Variants in ESR2 observed in about 807,000 individuals in gnomAD.
ESR2 encodes the protein estrogen receptor beta.
Under a neutral mutation model 49.6 loss-of-function variants are expected in ESR2, and 36 were observed. That is an observed-to-expected ratio of 0.73 (90% CI 0.56 to 0.96). The LOEUF (loss-of-function observed/expected upper bound fraction) is 0.96, where lower values mean the gene tolerates loss of function less well. Among genes scored for constraint, ESR2 ranks in the 40% least tolerant of loss-of-function variants. ESR2 has a pLI of 0.00. For missense variants in ESR2, 714 were observed against 693.0 expected, an observed-to-expected ratio of 1.03 and a Z score of -0.34; for synonymous variants, 320 against 266.1, an observed-to-expected ratio of 1.20 and a Z score of -1.97.
chr14:64,314,535 G>A (rs980224519), intron 1 of ESR2, among the ~76,000 whole-genome samples: 1 of 151,004 alleles, frequency 6.6e-6, no homozygotes, highest in African/African-American at 2.4e-5. Context: ...ATGTAAAACA[G>A]GAAAAAAATA....
chr14:64,232,721 T>C lies in ESR2; in HGVS notation c.*416A>G, dbSNP rs1477514319. On this transcript the variant is annotated 3_prime_UTR_variant, in exon 9 of 9. Transcript: ENST00000341099. Reference sequence around the variant, plus strand: ...GGTCAACTCTCAGAGGGAAGGGTAGTGTGTGCCACACAAGAAGGGTTAGCC... The same window carrying C: ...GGTCAACTCTCAGAGGGAAGGGTAGCGTGTGCCACACAAGAAGGGTTAGCC... 6.0e-6 allele frequency: 1 copy of C among 166,092 alleles called. No homozygotes were observed. The highest frequency in any genetic ancestry group is 2.4e-5 in the African/African-American group (1 of 41,998). The allele number at this position is 166,092 out of a possible 1,614,324, so 10.3% of individuals were successfully genotyped here. A position where few individuals can be genotyped will look rare whatever the true frequency, so the allele number is the denominator to read the frequency against.
intron 1 of ESR2, among the ~76,000 whole-genome samples, chr14:64,308,720 C>A (rs10136822): frequency 0.16 from 24,151 of 151,902 alleles, 2,589 homozygotes; most frequent in African/African-American, 0.29. Context: ...GATTGTATGT[C>A]ATAAACTTTA....
chr14:64,250,753 T>C (rs2075969935), intron 6 of ESR2, among the ~76,000 whole-genome samples: 4 of 152,172 alleles, frequency 2.6e-5, no homozygotes, highest in African/African-American at 9.7e-5. Flanking sequence ...GATGGCAGTA[T>C]TTCAGGGAAG....
intron 1 of ESR2, among the ~76,000 whole-genome samples, chr14:64,335,321 C>G (rs1197385874): frequency 6.6e-6 from 1 of 152,142 alleles, no homozygotes; most frequent in Non-Finnish European, 1.5e-5. Flanking sequence ...AGCTATCTGT[C>G]TTAACTTGGG....
At chr14:64,265,226 C>T (rs2076304315) in intron 4 of ESR2, among the ~76,000 whole-genome samples, 27 of 152,154 alleles carry the variant, frequency 1.8e-4, no homozygotes, top group Admixed American at 1.8e-3. Flanking sequence ...AAATCGAGTG[C>T]TCCATATTAG....
chr14:64,275,540 T>TA (rs1188278670), intron 3 of ESR2, among the ~76,000 whole-genome samples: 3 of 152,002 alleles, frequency 2.0e-5, no homozygotes, highest in Admixed American at 2.0e-4. Context: ...CCATCTCTAC[T>TA]AAAAATACAA....
chr14:64,280,147 T>A lies in ESR2; in HGVS notation c.369A>T (p.Thr123=). The part of the protein sequence containing the change: ...LEHTLPVNRE[T]LKRKVSGNRC... ...GGTTCCCACTAACCTTCCTTTTCAG[T>A]GTCTCTCTAGGGAGCAAAGAAAATA... The change falls in exon 3 of 9, where the codon ACA becomes ACT. Residue 123 remains threonine (T), a synonymous_variant. Transcript: ENST00000341099. 1 of 1,613,640 alleles carries A rather than the reference T, an allele frequency of 6.2e-7. No homozygotes were observed. The highest frequency in any genetic ancestry group is 8.5e-7 in the Non-Finnish European group (1 of 1,179,666).
At chr14:64,244,577 C>T (rs1311026609) in intron 7 of ESR2, among the ~76,000 whole-genome samples, 1 of 152,128 alleles carries the variant, frequency 6.6e-6, no homozygotes, top group Non-Finnish European at 1.5e-5. Context: ...ATCAGAACTC[C>T]AGGTTCTCCA....
intron 1 of ESR2, among the ~76,000 whole-genome samples, chr14:64,288,348 C>CTTT (rs10560135): frequency 2.3e-5 from 3 of 131,364 alleles, no homozygotes; most frequent in Non-Finnish European, 3.2e-5. Context: ...AAAGACTACA[C>CTTT]TTTTTTTTTT....
At chr14:64,302,219 C>T (rs1333745610) in intron 1 of ESR2, among the ~76,000 whole-genome samples, 1 of 149,620 alleles carries the variant, frequency 6.7e-6, no homozygotes, top group East Asian at 2.0e-4. Context: ...GACAGTCTCG[C>T]TCTGTCGCCC....
At chr14:64,310,286 A>AAAAAAAAAATAAAAAAAAAT (rs1555595498) in intron 1 of ESR2, among the ~76,000 whole-genome samples, 8 of 142,468 alleles carry the variant, frequency 5.6e-5, no homozygotes, top group African/African-American at 2.1e-4. Context: ...TCGTCTCAAA[A>AAAAAAAAAATAAAAAAAAAT]AATAATAATA....
chr14:64,265,506 G>A (rs1452702292), intron 4 of ESR2, among the ~76,000 whole-genome samples: 1 of 152,126 alleles, frequency 6.6e-6, no homozygotes, highest in Non-Finnish European at 1.5e-5. Context: ...TCCAGAGCTG[G>A]TGCTTTTAAC....
chr14:64,302,188 ATTTATTT>A (rs2077029997), intron 1 of ESR2, among the ~76,000 whole-genome samples: 2 of 143,988 alleles, frequency 1.4e-5, no homozygotes, highest in Admixed American at 1.5e-4. Flanking sequence ...TTATTTATTT[ATTTATTT>A]ATTTATTTTT....
chr14:64,254,248 T>C (rs919870569), intron 6 of ESR2, among the ~76,000 whole-genome samples: 2 of 152,194 alleles, frequency 1.3e-5, no homozygotes, highest in Admixed American at 6.5e-5. Context: ...TATTTTCAAA[T>C]GGTGTGAAGA....
rs189280217 is a variant in ESR2 at position 64,326,665 on chromosome 14, A to G, written c.-91+11233T>C. 6.4e-4 allele frequency among the ~76,000 whole-genome samples: 98 copies of G among 152,282 alleles called. No individual in the cohort carries two copies. The East Asian group carries it at 0.017, about 26-fold the overall frequency. ...ATGACTGCCTTTATACCCTACTTCAACCACCTACACCTAGATCCAAAAACA... is the reference window on the plus strand; with the variant it reads ...ATGACTGCCTTTATACCCTACTTCAGCCACCTACACCTAGATCCAAAAACA... On this transcript the variant is annotated intron_variant, in intron 1 of 8. Coordinates refer to the ESR2 transcript ENST00000358599.
At chr14:64,298,836 C>T (rs568846840), upstream of ESR2, among the ~76,000 whole-genome samples, 1 of 152,230 alleles carries the variant, frequency 6.6e-6, no homozygotes, top group East Asian at 1.9e-4. Flanking sequence ...ACACAAATCC[C>T]TTGCATACCT....
downstream of ESR2, chr14:64,228,189 A>G (rs2098723894): frequency 5.1e-6 from 3 of 585,624 alleles, no homozygotes; most frequent in African/African-American, 3.9e-5. Flanking sequence ...TTTCCCAGGA[A>G]GACTAGCCCT....
At chr14:64,269,013 G>C (rs774257972) in intron 3 of ESR2, 102 bp from the exon 4 acceptor site, 3 of 733,864 alleles carry the variant, frequency 4.1e-6, no homozygotes, top group East Asian at 2.5e-5. Context: ...TGAGAGATAG[G>C]GGACATCTTC....
At chr14:64,335,448 G>A (rs2077517287) in intron 1 of ESR2, among the ~76,000 whole-genome samples, 1 of 152,158 alleles carries the variant, frequency 6.6e-6, no homozygotes, top group Non-Finnish European at 1.5e-5. Context: ...TTCAGTTCCT[G>A]GTGAGGACTC....
Sources: allele counts gnomAD v4.1 joint callset (sites outside exome capture counted in the v4.1 genomes callset), GRCh38; gene constraint gnomAD v4.1.1; transcripts MANE v1.5; gene names NCBI Gene and HGNC (gene_info 2026-07-23, HGNC 2026-07-21).